The following LRMDA variants were observed in gnomAD, a reference collection of about 807,000 sequenced individuals.
LRMDA encodes leucine-rich melanocyte differentiation-associated protein.
In LRMDA, 18 loss-of-function variants were observed where a neutral mutation model predicts 29.8. The observed-to-expected ratio is 0.60, with a 90% CI of 0.42 to 0.90. LRMDA has a LOEUF of 0.90. LRMDA is among the 40% of genes least tolerant of loss of function. The pLI is 0.00. For missense variants in LRMDA, 273 were observed against 273.9 expected (o/e 1.00, Z 0.02); for synonymous variants, 125 against 109.4 (o/e 1.14, Z -0.89).
At chr10:75,825,203 C>T (rs900537852) in intron 2 of LRMDA, among the ~76,000 whole-genome samples, 2 of 152,032 alleles carry the variant, frequency 1.3e-5, no homozygotes, top group African/African-American at 2.4e-5. Context: ...TTTGGTGTGA[C>T]GCCTCCTTAA....
Position 76,036,089 on chromosome 10 carries a change from G to T in LRMDA, c.213G>T (p.Leu71Phe), listed in dbSNP as rs1848238577. ...ATCAGCTGGGGGACGACCTTGTGTT[G>T]CCAGGGTTACCCAGACTGCATACCT... ...DNNQLGDDLV[L>F]PGLPRLHTLT... Residue 71 changes from leucine to phenylalanine, a missense_variant, in exon 3 of 7, where the codon TTG becomes TTT. Coordinates refer to ENST00000611255, the MANE Select transcript of LRMDA (RefSeq NM_001305581.2). 1 of 1,613,966 alleles carries T rather than the reference G, an allele frequency of 6.2e-7. No individual in the cohort carries two copies. Among genetic ancestry groups the T allele is most frequent in the African/African-American group, 1.3e-5 (1 of 74,874 alleles).
At chr10:75,757,957 G>A (rs1843052863) in intron 2 of LRMDA, among the ~76,000 whole-genome samples, 1 of 152,068 alleles carries the variant, frequency 6.6e-6, no homozygotes, top group Non-Finnish European at 1.5e-5. Flanking sequence ...ATGTCACGAT[G>A]CCTGGCTAAT....
At chr10:76,241,609 T>C (rs757857461) in intron 5 of LRMDA, among the ~76,000 whole-genome samples, 1 of 152,198 alleles carries the variant, frequency 6.6e-6, no homozygotes, top group Non-Finnish European at 1.5e-5. Context: ...TGTTTCCAGA[T>C]GCAGCGGAAG....
intron 6 of LRMDA, among the ~76,000 whole-genome samples, chr10:76,382,320 A>G (rs1841602624): frequency 6.6e-6 from 1 of 152,214 alleles, no homozygotes; most frequent in Non-Finnish European, 1.5e-5. Flanking sequence ...TTCAGTGTCT[A>G]GTTGAGTTAT....
chr10:75,622,705 A>G (rs1035646250), intron 2 of LRMDA, among the ~76,000 whole-genome samples: 1 of 152,326 alleles, frequency 6.6e-6, no homozygotes. Context: ...CCATTCTGAG[A>G]AAGAACAAAC....
chr10:75,611,398 A>C (rs1032230227), intron 2 of LRMDA, among the ~76,000 whole-genome samples: 2 of 152,172 alleles, frequency 1.3e-5, no homozygotes, highest in Non-Finnish European at 2.9e-5. Context: ...TTTTAAGTGT[A>C]CAGCTCTGTG....
In LRMDA at chr10:75,839,700, CTTTTTTTTTTTTTTTTT is replaced by C. The variant is rs1160178913; in HGVS notation, c.132-196298_132-196282del. Among the ~76,000 whole-genome samples the C allele has an allele frequency of 8.5e-5, 7 of 82,798 alleles. 1 individual carries two copies. Among genetic ancestry groups the C allele is most frequent in the African/African-American group, 4.5e-4 (7 of 15,536 alleles). The allele number at this position is 82,798 out of a possible 152,430, so 54.3% of individuals were successfully genotyped here. A position where few individuals can be genotyped will look rare whatever the true frequency, so the allele number is the denominator to read the frequency against. ...TACTCCTTAGGATGCATCCGACTTTCTTTTTTTTTTTTTTTTTTTTTTTTTTGAGACAGAGTCTTGCT... is the reference window on the plus strand; with the variant it reads ...TACTCCTTAGGATGCATCCGACTTTCTTTTTTTTTGAGACAGAGTCTTGCT... On this transcript the variant is annotated intron_variant, in intron 2 of 6. Transcript: ENST00000611255.
At chr10:75,462,287 G>A (rs752315766) in intron 2 of LRMDA, among the ~76,000 whole-genome samples, 10 of 152,164 alleles carry the variant, frequency 6.6e-5, no homozygotes, top group East Asian at 3.8e-4. Context: ...TTTAAGTCTC[G>A]TGTGTCAACA....
chr10:76,207,713 C>T (rs1851562942), intron 5 of LRMDA, among the ~76,000 whole-genome samples: 1 of 152,150 alleles, frequency 6.6e-6, no homozygotes, highest in South Asian at 2.1e-4. Flanking sequence ...CCTGTAATCC[C>T]AGCACTTTGG....
At chr10:75,448,481 G>A (rs1011575682) in intron 2 of LRMDA, among the ~76,000 whole-genome samples, 1 of 152,164 alleles carries the variant, frequency 6.6e-6, no homozygotes, top group Non-Finnish European at 1.5e-5. Flanking sequence ...GTGTTAGGAA[G>A]GAGACTGGAG....
intron 2 of LRMDA, among the ~76,000 whole-genome samples, chr10:75,694,242 G>A (rs1842205410): frequency 6.6e-6 from 1 of 152,182 alleles, no homozygotes; most frequent in Non-Finnish European, 1.5e-5. Flanking sequence ...TAGCATTAAA[G>A]GATTTCAGAA....
At chr10:75,862,454 C>G (rs1844948342) in intron 2 of LRMDA, among the ~76,000 whole-genome samples, 1 of 152,100 alleles carries the variant, frequency 6.6e-6, no homozygotes, top group African/African-American at 2.4e-5. Flanking sequence ...CCCCTCAATC[C>G]AGAAGAGGCC....
At chr10:75,948,196 C>T (rs1355348317) in intron 2 of LRMDA, among the ~76,000 whole-genome samples, 1 of 152,148 alleles carries the variant, frequency 6.6e-6, no homozygotes, top group South Asian at 2.1e-4. Flanking sequence ...TAGACTGGCT[C>T]TTAGAGTCTG....
At chr10:76,369,381 A>G (rs1377534473) in intron 6 of LRMDA, among the ~76,000 whole-genome samples, 1 of 152,080 alleles carries the variant, frequency 6.6e-6, no homozygotes, top group Non-Finnish European at 1.5e-5. Flanking sequence ...GCTTAGTTTC[A>G]CTAGATACAA....
rs1434498445 is a variant in LRMDA, at chr10:76,254,299, C to CCA, written c.517-70102_517-70101insCA. ...GTGGAAATTACTATACTATACTATA[C>CCA]TATACCATACCATACCATACCATAC... On this transcript the variant is annotated intron_variant, in intron 5 of 6. Transcript: ENST00000611255. Among the ~76,000 whole-genome samples, 513 of 105,614 alleles carry CCA rather than the reference C, an allele frequency of 4.9e-3. 1 individual carries two copies. Among genetic ancestry groups the CCA allele is most frequent in the Non-Finnish European group, 7.2e-3 (367 of 51,116 alleles). 69.3% of individuals were successfully genotyped at this position (105,614 alleles called of 152,430 possible).
intron 2 of LRMDA, among the ~76,000 whole-genome samples, chr10:75,924,686 C>T (rs1163856295): frequency 2.6e-5 from 4 of 151,712 alleles, no homozygotes; most frequent in African/African-American, 9.7e-5. Flanking sequence ...CAGCTTTGCT[C>T]AGCCGTGCTG....
intron 2 of LRMDA, among the ~76,000 whole-genome samples, chr10:75,952,094 G>T (rs1846585458): frequency 6.6e-6 from 1 of 152,208 alleles, no homozygotes; most frequent in Non-Finnish European, 1.5e-5. Flanking sequence ...CCATTTTCCA[G>T]ACTCATCTCA....
intron 5 of LRMDA, among the ~76,000 whole-genome samples, chr10:76,135,182 A>G (rs2132142022): frequency 6.6e-6 from 1 of 152,332 alleles, no homozygotes; most frequent in South Asian, 2.1e-4. Context: ...ACCAGAAGAG[A>G]AGGGCAGCCA....
At chr10:75,784,698 T>C (rs937148571) in intron 2 of LRMDA, among the ~76,000 whole-genome samples, 1 of 143,876 alleles carries the variant, frequency 7.0e-6, no homozygotes, top group African/African-American at 2.6e-5. Context: ...CGAGACTCCA[T>C]CTCAGAAAAA....
Sources: allele counts gnomAD v4.1 joint callset (sites outside exome capture counted in the v4.1 genomes callset), GRCh38; gene constraint gnomAD v4.1.1; transcripts MANE v1.5; gene names NCBI Gene and HGNC (gene_info 2026-07-23, HGNC 2026-07-21).